ATG9B: variants seen among roughly 807,000 people sequenced by gnomAD.
ATG9B encodes autophagy related 9B.
ATG9B carries 92 observed loss-of-function variants against 92.9 expected under a neutral mutation model. The ratio of observed to expected loss-of-function variants is 0.99; its 90% CI spans 0.84 to 1.18. ATG9B has a LOEUF of 1.18. Ranked by LOEUF, ATG9B falls within the 50% of genes most tolerant of loss-of-function variation. The probability of loss-of-function intolerance (pLI) is 0.00; values close to 1 mark genes in which losing one functional copy is unlikely to be tolerated. For synonymous variants in ATG9B, 599 were observed against 551.4 expected (o/e 1.09, Z -1.21); for missense variants, 1,344 against 1,235.0 (o/e 1.09, Z -1.32).
Position 151,017,226 on chromosome 7 carries a change from T to C in ATG9B, c.2099A>G (p.Glu700Gly), listed in dbSNP as rs760624908. 28 of 1,610,212 alleles carry C rather than the reference T, an allele frequency of 1.7e-5. No individual in the cohort carries two copies. Among genetic ancestry groups the C allele is most frequent in the Non-Finnish European group, 2.4e-5 (28 of 1,177,810 alleles). Reference protein sequence around the residue: ...QTEASLSQRAEDGKTELSLMR... With the variant: ...QTEASLSQRAGDGKTELSLMR... ...CAAAGAAAGCTCAGTCTTGCCGTCC[T>C]CCGCACGCTGAGACAGCGAGGCCTC... Residue 700 changes from glutamate to glycine, a missense_variant, in exon 9 of 14, where the codon GAG (glutamate) becomes GGG (glycine). By Grantham distance (98) the Glu-to-Gly change is moderately conservative. Transcript: ENST00000639579.
chr7:151,018,050 C>G lies in ATG9B; in HGVS notation c.1873G>C (p.Val625Leu), dbSNP rs1366343286. Residue 625 changes from valine (V) to leucine (L), a missense_variant and splice_region_variant, in exon 8 of 14, where the codon GTC (valine) becomes CTC (leucine). Val to Leu is a conservative substitution (Grantham distance 32). Coordinates refer to ENST00000639579, the MANE Select transcript of ATG9B (RefSeq NM_001317056.2). The surrounding 1 kb of genome is among the most constrained non-coding windows in gnomAD (Gnocchi z 4.7). ...QMAQLLQYRA[V>L]SLLEELLSPL... ...GACAGGAGCTCCTCCAGGAGGGAGA[C>G]CTGGGGAAGCAGCGGTGAGGCTGAG... The G allele has an allele frequency of 1.3e-6, 2 of 1,577,702 alleles. No individual in the cohort carries two copies. Among genetic ancestry groups the G allele is most frequent in the Non-Finnish European group, 1.7e-6 (2 of 1,161,050 alleles).
chr7:151,014,950 G>A (rs1411255118), downstream of ATG9B: 3 of 152,184 alleles, frequency 2.0e-5, no homozygotes, highest in Admixed American at 2.0e-4. Flanking sequence ...TTTAACCTGT[G>A]CAGTTGTGGG....
chr7:151,013,843 G>A (rs887886943), downstream of ATG9B: 3 of 1,606,138 alleles, frequency 1.9e-6, no homozygotes, highest in African/African-American at 4.0e-5. Flanking sequence ...ACGTCCTGCA[G>A]ACCGTGCAGC....
In ATG9B at chr7:151,017,081, G is replaced by A. The variant is rs369342990; in HGVS notation, c.2244C>T (p.Arg748=). Residue 748 remains arginine, a synonymous_variant, in exon 9 of 14, where the codon CGC becomes CGT. Coordinates refer to ENST00000639579, the MANE Select transcript of ATG9B (RefSeq NM_001317056.2). ...TGAGCACCCCCGGGGTGGAGGGGCC[G>A]CGAGCCGAGGTGGCACCCCAGGCAG... ...DAAAWGATSA[R]GPSTPGVLSN... 229 of 1,607,962 alleles carry A rather than the reference G, an allele frequency of 1.4e-4. 1 individual carries two copies. The highest frequency in any genetic ancestry group is 3.4e-4 in the Middle Eastern group (2 of 5,934).
intron 8 of ATG9B, 73 bp from the exon 9 acceptor site, chr7:151,017,345 G>T: frequency 7.2e-7 from 1 of 1,391,890 alleles, no homozygotes; most frequent in Non-Finnish European, 9.8e-7. Context: ...AGGAAACACT[G>T]CCCCATCTTC....
chr7:151,014,554 G>A (rs1310484020), downstream of ATG9B: 1 of 190,360 alleles, frequency 5.3e-6, no homozygotes, highest in East Asian at 1.3e-4. Context: ...TGTGCCAGAT[G>A]TTAGGAGAAC....
downstream of ATG9B, chr7:151,012,669 T>C: frequency 1.7e-6 from 1 of 572,410 alleles, no homozygotes; most frequent in Non-Finnish European, 3.1e-6. Context: ...TCCTGGTGCC[T>C]GGTACATAGT....
rs779455272 is a variant in ATG9B, at chr7:151,016,646, C to T, written c.2423+42G>A. The T allele has an allele frequency of 1.3e-5, 20 of 1,545,950 alleles. No homozygotes were observed. The East Asian group carries it at 1.5e-4, about 11-fold the overall frequency. On this transcript the variant is annotated intron_variant, in intron 10 of 13. Transcript: ENST00000639579. Reference sequence around the variant, plus strand: ...TCCCCACTCCTACAGGATCAGCCCACCCCCCTCCACATGCCCCTGCATCTC... The same window carrying T: ...TCCCCACTCCTACAGGATCAGCCCATCCCCCTCCACATGCCCCTGCATCTC...
chr7:151,019,643 A>G (rs151143786), intron 5 of ATG9B, among the ~76,000 whole-genome samples: 2,128 of 152,226 alleles, frequency 0.014, 44 homozygotes, highest in African/African-American at 0.047. Context: ...GCCAGTAGTC[A>G]TGCACTTCCT....
chr7:151,012,574 A>G (rs1795329603), downstream of ATG9B: 7 of 1,384,626 alleles, frequency 5.1e-6, no homozygotes, highest in Non-Finnish European at 6.9e-6. Flanking sequence ...GGCAGGAAAC[A>G]AAGTCCACAA....
Position 151,017,283 on chromosome 7 carries a change from G to A in ATG9B, c.2053-11C>T. 1 of 1,574,500 alleles carries A rather than the reference G, an allele frequency of 6.4e-7. No homozygotes were observed. The highest frequency in any genetic ancestry group is 8.6e-7 in the Non-Finnish European group (1 of 1,156,914). ...TCCCGCCGAGAGCCACTGTGAGCAA[G>A]GACAGTCTTTCAGGTGCTAAGAACA... On this transcript the variant is annotated splice_polypyrimidine_tract_variant and intron_variant, in intron 8 of 13. Transcript: ENST00000639579.
At chr7:151,017,696 C>T (rs1795557971) in intron 8 of ATG9B, among the ~76,000 whole-genome samples, 175 bp downstream of exon 8, 1 of 152,218 alleles carries the variant, frequency 6.6e-6, no homozygotes, top group Non-Finnish European at 1.5e-5. Flanking sequence ...CTGGAGAGCA[C>T]ATTGCCATTG....
At chr7:151,022,882 T>C (rs1460277698) in intron 4 of ATG9B, among the ~76,000 whole-genome samples, 163 bp downstream of exon 4, 1 of 151,334 alleles carries the variant, frequency 6.6e-6, no homozygotes, top group Middle Eastern at 3.4e-3. Context: ...TACAACTTAA[T>C]ACACTTAAGT....
At chr7:151,020,179 T>A (rs182146943) in intron 5 of ATG9B, 1 of 152,622 alleles carries the variant, frequency 6.6e-6, no homozygotes, top group Non-Finnish European at 1.5e-5. Flanking sequence ...CCAGAAGCCT[T>A]CCCAGGACCT....
At chr7:151,014,104 C>A (rs145823011), downstream of ATG9B, 2 of 1,613,642 alleles carry the variant, frequency 1.2e-6, no homozygotes, top group South Asian at 1.1e-5. Context: ...CTTGCAGGAG[C>A]GTCAGTTGCG....
Position 151,018,348 on chromosome 7 carries a change from G to C in ATG9B, c.1818C>G (p.Pro606=). ...GCCGGTAGGCGCGGTCCCTGCCGCC[G>C]GGGCCGGGCTCCTCCGGGAGGTAGT... ...HMHYLPEEPG[P]GGRDRAYRQM... is the part of the protein sequence containing the mutation. The change falls in exon 7 of 14, where the codon CCC becomes CCG. Residue 606 remains proline, a synonymous_variant. Transcript: ENST00000639579. The surrounding 1 kb of genome is among the most constrained non-coding windows in gnomAD (Gnocchi z 4.7). The C allele has an allele frequency of 1.3e-6, 2 of 1,596,728 alleles. No homozygotes were observed. The highest frequency in any genetic ancestry group is 1.7e-6 in the Non-Finnish European group (2 of 1,173,952).
rs1262168513 is a variant in ATG9B, at chr7:151,018,343, C to T, written c.1823G>A (p.Gly608Asp). ...HYLPEEPGPG[G>D]RDRAYRQMAQ... ...CATCTGCCGGTAGGCGCGGTCCCTGCCGCCGGGGCCGGGCTCCTCCGGGAG... is the reference window on the plus strand; with the variant it reads ...CATCTGCCGGTAGGCGCGGTCCCTGTCGCCGGGGCCGGGCTCCTCCGGGAG... Residue 608 changes from glycine to aspartate, a missense_variant, in exon 7 of 14, where the codon GGC becomes GAC. Coordinates refer to ENST00000639579, the MANE Select transcript of ATG9B (RefSeq NM_001317056.2). This position sits in a 1 kb window ranked among gnomAD's most constrained non-coding sequence, Gnocchi z 4.7. The T allele has an allele frequency of 2.5e-6, 4 of 1,595,664 alleles. No individual in the cohort carries two copies. The highest frequency in any genetic ancestry group is 8.5e-7 in the Non-Finnish European group (1 of 1,173,566).
chr7:151,014,372 C>T, downstream of ATG9B: 1 of 575,730 alleles, frequency 1.7e-6, no homozygotes, highest in Non-Finnish European at 2.9e-6. Flanking sequence ...GGGCCTGGGT[C>T]CGCCTTAATC....
intron 8 of ATG9B, 73 bp downstream of exon 8, chr7:151,017,798 C>T: frequency 6.9e-7 from 1 of 1,455,574 alleles, no homozygotes; most frequent in Non-Finnish European, 9.1e-7. Context: ...AGGGCTGGAA[C>T]TCAGGTCTGC....
Sources: allele counts gnomAD v4.1 joint callset (sites outside exome capture counted in the v4.1 genomes callset), GRCh38; gene constraint gnomAD v4.1.1; non-coding constraint Gnocchi (gnomAD v3.1); transcripts MANE v1.5; gene names NCBI Gene and HGNC (gene_info 2026-07-23, HGNC 2026-07-21).